Variants in POLR3E observed in about 807,000 individuals in gnomAD.
POLR3E encodes RNA polymerase III subunit E, also known as DNA-directed RNA polymerase III subunit RPC5.
In POLR3E, 41 loss-of-function variants were observed where a neutral mutation model predicts 96.6. The observed-to-expected ratio is 0.42, with a 90% CI of 0.33 to 0.55. The LOEUF (loss-of-function observed/expected upper bound fraction) is 0.55. POLR3E is among the 20% of genes least tolerant of loss of function. POLR3E has a pLI of 0.06. For synonymous variants in POLR3E, 396 were observed against 383.6 expected (o/e 1.03, Z -0.38); for missense variants, 849 against 952.1 (o/e 0.89, Z 1.43).
At chr16:22,321,369 C>T (rs1422592870) in intron 13 of POLR3E, among the ~76,000 whole-genome samples, 13 of 152,206 alleles carry the variant, frequency 8.5e-5, no homozygotes, top group Non-Finnish European at 1.9e-4. Context: ...CTTGAAAGCT[C>T]CTCATAGTTG....
intron 20 of POLR3E, 126 bp from the exon 21 acceptor site, chr16:22,333,518 G>A: frequency 2.9e-6 from 2 of 688,426 alleles, no homozygotes; most frequent in Non-Finnish European, 2.7e-6. Flanking sequence ...GGTATGGTTA[G>A]GCAGTTTTTG....
intron 6 of POLR3E, among the ~76,000 whole-genome samples, chr16:22,310,775 T>G (rs1268955036): frequency 6.6e-6 from 1 of 151,918 alleles, no homozygotes; most frequent in African/African-American, 2.4e-5. Context: ...ATACAAACAT[T>G]AGCTGGGCAT....
At chr16:22,317,435 G>A (rs1324819383) in intron 12 of POLR3E, among the ~76,000 whole-genome samples, 1 of 152,248 alleles carries the variant, frequency 6.6e-6, no homozygotes, top group Non-Finnish European at 1.5e-5. Flanking sequence ...AGTGTGTCTG[G>A]CCCCCACAGG....
rs201811894 is a variant in POLR3E at position 22,316,622 on chromosome 16, C to T, written c.664C>T (p.Arg222Cys). ...ACAGGACAGTCGCTCTGAGCATGAGCGTCAGTACCTGCTGTGCCCCGGCTC... is the reference window on the plus strand; with the variant it reads ...ACAGGACAGTCGCTCTGAGCATGAGTGTCAGTACCTGCTGTGCCCCGGCTC... ...GLRDSRSEHE[R>C]QYLLCPGSSG... Residue 222 changes from arginine to cysteine, a missense_variant, in exon 10 of 21, where the codon CGT becomes TGT. Physicochemically the swap from Arg to Cys is radical, Grantham distance 180. Transcript: ENST00000299853. 6.8e-5 allele frequency: 109 copies of T among 1,613,768 alleles called. No individual in the cohort carries two copies. The Admixed American group carries it at 1.3e-3, about 19-fold the overall frequency.
rs1225562752 is a variant in POLR3E at position 22,322,664 on chromosome 16, G to A, written c.987-186G>A. 6.6e-6 allele frequency among the ~76,000 whole-genome samples: 1 copy of A among 152,100 alleles called. No homozygotes were observed. Among genetic ancestry groups the A allele is most frequent in the Non-Finnish European group, 1.5e-5 (1 of 67,996 alleles). ...AGAGGAAGAACTGGGGGGATGTGTGGGGTAGAGGGGTGCTTCTTTCCCATG... is the reference window on the plus strand; with the variant it reads ...AGAGGAAGAACTGGGGGGATGTGTGAGGTAGAGGGGTGCTTCTTTCCCATG... On this transcript the variant is annotated intron_variant, in intron 13 of 20. Transcript: ENST00000299853. The surrounding 1 kb of genome is among the most constrained non-coding windows in gnomAD (Gnocchi z 5.2).
chr16:22,325,968 T>C lies in POLR3E; in HGVS notation c.1556T>C (p.Met519Thr), dbSNP rs199833918. ...DEEQEAEEEP[M>T]DTSPSGLHSK... ...GAGCAGGAGGCGGAGGAGGAGCCCA[T>C]GGACACTTCCCCCAGCGGCCTCCAC... The change falls in exon 18 of 21, where the codon ATG becomes ACG. Residue 519 changes from methionine to threonine, a missense_variant. Met to Thr is a moderately conservative substitution (Grantham distance 81). Transcript: ENST00000299853. 2.3e-4 allele frequency: 368 copies of C among 1,592,634 alleles called. 1 individual carries two copies. Among genetic ancestry groups the C allele is most frequent in the Admixed American group, 5.9e-4 (33 of 55,966 alleles).
At chr16:22,328,642 G>T in intron 19 of POLR3E, 55 bp downstream of exon 19, 1 of 1,449,360 alleles carries the variant, frequency 6.9e-7, no homozygotes, top group Non-Finnish European at 9.7e-7. Flanking sequence ...TTCCTGCAGC[G>T]TTGGAGGCCT....
chr16:22,316,080 C>G (rs1452666909), intron 9 of POLR3E, among the ~76,000 whole-genome samples: 1 of 152,164 alleles, frequency 6.6e-6, no homozygotes, highest in Non-Finnish European at 1.5e-5. Context: ...GGGAACAACT[C>G]CTGATTTCTC....
chr16:22,326,271 T>C lies in POLR3E; in HGVS notation c.1859T>C (p.Leu620Pro). ...CTGGCCGCCGGTTGCAAGCAGATAC[T>C]GGTGCCTGTAAGTAGAGCCCTGCCT... ...TVLAAGCKQILVPFPPQTAAS... is the reference protein window; with the variant it reads ...TVLAAGCKQIPVPFPPQTAAS... Residue 620 changes from leucine to proline, a missense_variant, in exon 18 of 21, where the codon CTG becomes CCG. Coordinates refer to ENST00000299853, the MANE Select transcript of POLR3E (RefSeq NM_018119.4). The C allele has an allele frequency of 7.5e-7, 1 of 1,341,660 alleles. No homozygotes were observed. The highest frequency in any genetic ancestry group is 9.9e-7 in the Non-Finnish European group (1 of 1,008,786). The allele number at this position is 1,341,660 out of a possible 1,614,324, so 83.1% of individuals were successfully genotyped here.
At chr16:22,319,956 T>C (rs2048436878) in intron 13 of POLR3E, among the ~76,000 whole-genome samples, 1 of 152,224 alleles carries the variant, frequency 6.6e-6, no homozygotes, top group African/African-American at 2.4e-5. Context: ...ATATCATTCT[T>C]ACCATCTGCT....
Position 22,333,810 on chromosome 16 carries a change from A to G in POLR3E, c.*110A>G. The G allele has an allele frequency of 1.3e-6, 1 of 763,824 alleles. No individual in the cohort carries two copies. Among genetic ancestry groups the G allele is most frequent in the East Asian group, 2.5e-5 (1 of 39,740 alleles). The allele number at this position is 763,824 out of a possible 1,614,324, so 47.3% of individuals were successfully genotyped here. Reference sequence around the variant, plus strand: ...CGACACAGAGCAAGAGGAACTGACCATCTCATGACCTGTGGCATTGCACGG... The same window carrying G: ...CGACACAGAGCAAGAGGAACTGACCGTCTCATGACCTGTGGCATTGCACGG... On this transcript the variant is annotated 3_prime_UTR_variant, in exon 21 of 21. Transcript: ENST00000299853.
rs552634871 is a variant in POLR3E, at chr16:22,312,886, A to C, written c.365-734A>C. Among the ~76,000 whole-genome samples the C allele has an allele frequency of 6.1e-3, 931 of 151,648 alleles. 7 individuals carry two copies. The highest frequency in any genetic ancestry group is 1.0e-2 in the Non-Finnish European group (678 of 67,898). ...GACACTCCATCTCAAAAAAAAAAAA[A>C]AAAAAAAAAAACAGTAAAGTGCTTA... On this transcript the variant is annotated intron_variant, in intron 6 of 20. Coordinates refer to ENST00000299853, the MANE Select transcript of POLR3E (RefSeq NM_018119.4).
Position 22,298,478 on chromosome 16 carries a change from C to T in POLR3E, c.-39+941C>T, listed in dbSNP as rs376170775. Among the ~76,000 whole-genome samples the T allele has an allele frequency of 8.9e-4, 136 of 152,290 alleles. 3 individuals carry two copies. In the South Asian group the frequency reaches 0.024, roughly 27 times the overall value. ...GGGTCTGGAGGTCGGTACTTAGTTT[C>T]CCTACTTTAGGGATGAAAATAGGGA... On this transcript the variant is annotated intron_variant, in intron 1 of 20. Coordinates refer to ENST00000299853, the MANE Select transcript of POLR3E (RefSeq NM_018119.4).
chr16:22,304,609 G>A (rs2048096557), intron 2 of POLR3E, among the ~76,000 whole-genome samples: 1 of 152,142 alleles, frequency 6.6e-6, no homozygotes, highest in African/African-American at 2.4e-5. Context: ...AGGGGTAGGA[G>A]AGCATGTGGT....
rs973808167 is a variant in POLR3E at position 22,326,098 on chromosome 16, G to T, written c.1686G>T (p.Leu562=). 1 of 1,613,574 alleles carries T rather than the reference G, an allele frequency of 6.2e-7. No homozygotes were observed. The highest frequency in any genetic ancestry group is 1.7e-5 in the Admixed American group (1 of 59,998). Residue 562 remains leucine, a synonymous_variant, in exon 18 of 21, where the codon CTG becomes CTT. Transcript: ENST00000299853. ...GCASTPVARE[L]KAFVEATFQR... The stretch of plus-strand genomic sequence containing the variant: ...CCAGCACCCCTGTGGCTCGGGAACT[G>T]AAGGCCTTCGTGGAGGCCACCTTTC...
In POLR3E at chr16:22,330,375, A is replaced by C. The variant is rs147916774; in HGVS notation, c.1945-1685A>C. Among the ~76,000 whole-genome samples, 215 of 152,298 alleles carry C rather than the reference A, an allele frequency of 1.4e-3. 2 individuals are homozygous for C. The highest frequency in any genetic ancestry group is 5.0e-3 in the African/African-American group (207 of 41,566). ...GCTGGGATTACAAGCGTGAGCCACC[A>C]CACCAGGCCTTTACCTCTTTTTAAT... On this transcript the variant is annotated intron_variant, in intron 19 of 20. Transcript: ENST00000299853.
rs980507746 is a variant in POLR3E, at chr16:22,298,882, A to AT, written c.-39+1355dup. 966 of 407,356 alleles carry AT rather than the reference A, an allele frequency of 2.4e-3. 2 individuals are homozygous for AT. The highest frequency in any genetic ancestry group is 0.01 in the African/African-American group (483 of 48,068). 25.2% of individuals were successfully genotyped at this position (407,356 alleles called of 1,614,324 possible). A position where few individuals can be genotyped will look rare whatever the true frequency, so the allele number is the denominator to read the frequency against. ...TAGGTATTGAGAGAACCAGCACTGG[A>AT]TTTTTTTTTTAAAGTAATGCTCCCC... On this transcript the variant is annotated intron_variant, in intron 1 of 20. Coordinates refer to ENST00000299853, the MANE Select transcript of POLR3E (RefSeq NM_018119.4).
At chr16:22,320,538 G>A (rs1433451798) in intron 13 of POLR3E, among the ~76,000 whole-genome samples, 1 of 152,224 alleles carries the variant, frequency 6.6e-6, no homozygotes, top group Admixed American at 6.5e-5. Context: ...TGGGATTACA[G>A]GCGTGAGCTA....
chr16:22,316,016 G>A (rs1291523724), intron 9 of POLR3E, among the ~76,000 whole-genome samples: 2 of 152,128 alleles, frequency 1.3e-5, no homozygotes, highest in African/African-American at 4.8e-5. Flanking sequence ...TGTACTGAGT[G>A]AGGGATGCTT....
Sources: allele counts gnomAD v4.1 joint callset (sites outside exome capture counted in the v4.1 genomes callset), GRCh38; gene constraint gnomAD v4.1.1; non-coding constraint Gnocchi (gnomAD v3.1); transcripts MANE v1.5; gene names NCBI Gene and HGNC (gene_info 2026-07-23, HGNC 2026-07-21).